RALGAPA2: variants seen among roughly 807,000 people sequenced by gnomAD.
RALGAPA2 encodes ral GTPase-activating protein subunit alpha-2.
In RALGAPA2, 139 loss-of-function variants were observed where a neutral mutation model predicts 230.4. The ratio of observed to expected loss-of-function variants is 0.60; its 90% CI spans 0.53 to 0.69. The LOEUF (loss-of-function observed/expected upper bound fraction) is 0.69, where lower values mean the gene tolerates loss of function less well. Among genes scored for constraint, RALGAPA2 ranks in the 30% least tolerant of loss-of-function variants. RALGAPA2 has a pLI of 0.00. For missense variants in RALGAPA2, 2,163 were observed against 2,276.0 expected (o/e 0.95, Z 1.01); for synonymous variants, 847 against 837.8 (o/e 1.01, Z -0.19).
chr20:20,522,204 C>A (rs1490487725), intron 30 of RALGAPA2, among the ~76,000 whole-genome samples: 2 of 149,262 alleles, frequency 1.3e-5, no homozygotes, highest in Admixed American at 6.7e-5. Flanking sequence ...ATTCCAGCAA[C>A]TTCACTCCTA....
At chr20:20,501,287 T>G (rs1270224231) in intron 35 of RALGAPA2, among the ~76,000 whole-genome samples, 2 of 152,268 alleles carry the variant, frequency 1.3e-5, no homozygotes, top group African/African-American at 4.8e-5. Context: ...TTTACTACAC[T>G]GAAAATCTGT....
intron 38 of RALGAPA2, among the ~76,000 whole-genome samples, chr20:20,411,826 C>G (rs986559069): frequency 6.6e-6 from 1 of 152,160 alleles, no homozygotes; most frequent in African/African-American, 2.4e-5. Context: ...AACAGGATAG[C>G]TGAAGAAAGG....
chr20:20,591,231 G>A lies in RALGAPA2; in HGVS notation c.2287C>T (p.Arg763Trp), dbSNP rs550687044. Residue 763 changes from arginine to tryptophan, a missense_variant, in exon 17 of 40, where the codon CGG (arginine) becomes TGG (tryptophan). By Grantham distance (101) the Arg-to-Trp change is moderately radical. Coordinates refer to ENST00000202677, the MANE Select transcript of RALGAPA2 (RefSeq NM_020343.4). ...GGGATGTCGGAGGTGCTGCTGCTCCGAAGGACCTGCTGCTGCTGTCCCACT... is the reference window on the plus strand; with the variant it reads ...GGGATGTCGGAGGTGCTGCTGCTCCAAAGGACCTGCTGCTGCTGTCCCACT... ...LTVGQQQQVL[R>W]SSSTSDIPEP... is the part of the protein sequence containing the mutation. 25 of 1,613,872 alleles carry A rather than the reference G, an allele frequency of 1.5e-5. No homozygotes were observed. Among genetic ancestry groups the A allele is most frequent in the Admixed American group, 1.2e-4 (7 of 60,012 alleles).
chr20:20,589,427 G>C, intron 17 of RALGAPA2, 62 bp from the exon 18 acceptor site: 1 of 1,470,434 alleles, frequency 6.8e-7, no homozygotes, highest in Non-Finnish European at 9.2e-7. Flanking sequence ...AGTAAAACCG[G>C]AAAATGATTT....
At chr20:20,479,959 T>C (rs2061734677) in intron 36 of RALGAPA2, among the ~76,000 whole-genome samples, 1 of 152,202 alleles carries the variant, frequency 6.6e-6, no homozygotes, top group African/African-American at 2.4e-5. Flanking sequence ...TCCAAATGCA[T>C]TCCTCTCCAC....
chr20:20,617,433 GAAAAAC>G (rs2066182924), intron 12 of RALGAPA2, among the ~76,000 whole-genome samples: 1 of 152,082 alleles, frequency 6.6e-6, no homozygotes, highest in Non-Finnish European at 1.5e-5. Context: ...CTTCGAGTAA[GAAAAAC>G]AAAAACAAAG....
At chr20:20,473,104 AG>A (rs747563250) in intron 36 of RALGAPA2, 148 bp from the exon 37 acceptor site, 59 of 792,366 alleles carry the variant, frequency 7.4e-5, no homozygotes, top group Non-Finnish European at 1.0e-4. Context: ...ACACAGGTCT[AG>A]GGCTTTCAAA....
chr20:20,516,456 C>G (rs1334260368), intron 31 of RALGAPA2, among the ~76,000 whole-genome samples: 2 of 152,232 alleles, frequency 1.3e-5, no homozygotes, highest in Non-Finnish European at 2.9e-5. Context: ...GATGGAATAA[C>G]ACTGCCCAGG....
intron 11 of RALGAPA2, 151 bp downstream of exon 11, chr20:20,620,312 A>G (rs1296314033): frequency 1.3e-6 from 1 of 747,756 alleles, no homozygotes; most frequent in African/African-American, 1.8e-5. Context: ...TCCTTGGTAG[A>G]TCCTCACAGA....
chr20:20,407,283 C>T (rs1318841573), intron 38 of RALGAPA2, among the ~76,000 whole-genome samples: 1 of 152,166 alleles, frequency 6.6e-6, no homozygotes, highest in East Asian at 1.9e-4. Context: ...CGTATTAAGA[C>T]CACTTTAACA....
At chr20:20,503,329 G>A (rs1319606901) in intron 35 of RALGAPA2, 22 bp downstream of exon 35, 1 of 1,502,568 alleles carries the variant, frequency 6.7e-7, no homozygotes, top group East Asian at 2.4e-5. Context: ...AGCTAAGAAT[G>A]GTGCCCGAGG....
intron 31 of RALGAPA2, among the ~76,000 whole-genome samples, chr20:20,515,542 C>T (rs2145390188): frequency 6.6e-6 from 1 of 152,314 alleles, no homozygotes; most frequent in South Asian, 2.1e-4. Flanking sequence ...AATACACATC[C>T]CTATGAGGGA....
chr20:20,531,859 T>C (rs2145569791), intron 26 of RALGAPA2, 64 bp from the exon 27 acceptor site: 2 of 1,232,334 alleles, frequency 1.6e-6, no homozygotes, highest in Non-Finnish European at 1.1e-6. Context: ...CTCAGTATTT[T>C]CAAATAACAA....
At chr20:20,546,256 G>A (rs530109004) in intron 24 of RALGAPA2, among the ~76,000 whole-genome samples, 3 of 152,094 alleles carry the variant, frequency 2.0e-5, no homozygotes, top group Admixed American at 2.0e-4. Context: ...TTTACTTCTA[G>A]TTAAGACTTT....
intron 20 of RALGAPA2, among the ~76,000 whole-genome samples, chr20:20,573,794 T>C (rs1261684751): frequency 2.0e-5 from 3 of 152,242 alleles, no homozygotes; most frequent in Non-Finnish European, 4.4e-5. Flanking sequence ...TTATTACTGA[T>C]TAATATTCTA....
chr20:20,616,685 C>A (rs920695847), intron 12 of RALGAPA2, among the ~76,000 whole-genome samples: 1 of 152,132 alleles, frequency 6.6e-6, no homozygotes, highest in Non-Finnish European at 1.5e-5. Flanking sequence ...ATGGACAGCA[C>A]CACTCAACAG....
intron 10 of RALGAPA2, among the ~76,000 whole-genome samples, chr20:20,626,945 C>T (rs1958726100): frequency 6.6e-6 from 1 of 152,186 alleles, no homozygotes. Context: ...GTGCTGACCC[C>T]TGCTATAGAT....
intron 19 of RALGAPA2, 52 bp from the exon 20 acceptor site, chr20:20,583,278 A>C: frequency 1.3e-6 from 2 of 1,507,168 alleles, no homozygotes; most frequent in Non-Finnish European, 1.8e-6. Context: ...TGAAAATCAG[A>C]ATGTTCACAA....
chr20:20,475,977 A>G (rs1015153677), intron 36 of RALGAPA2, among the ~76,000 whole-genome samples: 3 of 152,186 alleles, frequency 2.0e-5, no homozygotes. Flanking sequence ...ACATGTAAAA[A>G]TGTTGTTTAT....
Sources: gnomAD v4.1 joint callset for allele counts (sites outside exome capture counted in the v4.1 genomes callset) on GRCh38, gnomAD v4.1.1 for gene constraint, MANE v1.5 for transcripts, NCBI Gene and HGNC (gene_info 2026-07-23, HGNC 2026-07-21) for gene names.